ATXN2: variants seen among roughly 807,000 people sequenced by gnomAD.
ATXN2 encodes ataxin 2.
ATXN2 carries 37 observed loss-of-function variants against 138.6 expected under a neutral mutation model. The observed-to-expected ratio is 0.27, with a 90% CI of 0.21 to 0.35. The LOEUF is 0.35. Ranked by LOEUF, ATXN2 falls within the 10% of genes least tolerant of loss-of-function variation. The pLI is 1.00. For missense variants in ATXN2, 1,216 were observed against 1,480.3 expected (o/e 0.82, Z 2.93); for synonymous variants, 549 against 543.7 (o/e 1.01, Z -0.13).
chr12:111,470,036 AGAGT>A, intron 20 of ATXN2, 68 bp downstream of exon 20: 3 of 1,474,976 alleles, frequency 2.0e-6, no homozygotes, highest in Non-Finnish European at 2.8e-6. Flanking sequence ...ATTCTTAGAT[AGAGT>A]ATGTTTTCAG....
intron 14 of ATXN2, among the ~76,000 whole-genome samples, chr12:111,492,955 T>A (rs903968017): frequency 6.6e-6 from 1 of 151,896 alleles, no homozygotes; most frequent in African/African-American, 2.4e-5. Flanking sequence ...AAATTCAGAA[T>A]CCTATAAATT....
intron 5 of ATXN2, among the ~76,000 whole-genome samples, chr12:111,529,871 A>C (rs1880718383): frequency 6.6e-6 from 1 of 152,238 alleles, no homozygotes. Context: ...TATAAAAACT[A>C]TAAAATGACA....
chr12:111,543,722 A>C (rs1194061648), intron 5 of ATXN2, among the ~76,000 whole-genome samples: 1 of 152,174 alleles, frequency 6.6e-6, no homozygotes, highest in Non-Finnish European at 1.5e-5. Context: ...TCTAACTCTA[A>C]AAATGCTTAG....
At chr12:111,464,247 GGTGTGTGT>G (rs57717176) in intron 21 of ATXN2, among the ~76,000 whole-genome samples, 27 of 134,716 alleles carry the variant, frequency 2.0e-4, no homozygotes, top group African/African-American at 3.5e-4. Context: ...TGTGGCTTGG[GGTGTGTGT>G]GTGTGTGTGT....
chr12:111,552,927 A>T lies in ATXN2; in HGVS notation c.399T>A (p.Val133=). 1 of 1,559,150 alleles carries T rather than the reference A, an allele frequency of 6.4e-7. No homozygotes were observed. Among genetic ancestry groups the T allele is most frequent in the Non-Finnish European group, 8.6e-7 (1 of 1,158,926 alleles). Residue 133 remains valine, a synonymous_variant, in exon 4 of 25, where the codon GTT becomes GTA. Transcript: ENST00000673436. This position sits in a 1 kb window ranked among gnomAD's most constrained non-coding sequence, Gnocchi z 4.1. ...QVKNGGIYEG[V]FKTYSPKCDL... ...TTACCTTCGGACTGTAAGTTTTAAA[A>T]ACTCCTTCATATATACCTCCATTTT...
Position 111,453,960 on chromosome 12 carries a change from G to GA in ATXN2, c.3271-116_3271-115insT. 1.7e-5 allele frequency: 18 copies of GA among 1,034,054 alleles called. No homozygotes were observed. Among genetic ancestry groups the GA allele is most frequent in the East Asian group, 2.5e-5 (1 of 39,844 alleles). 64.1% of individuals were successfully genotyped at this position (1,034,054 alleles called of 1,614,324 possible). On this transcript the variant is annotated intron_variant, in intron 23 of 24. Coordinates refer to ENST00000673436, the MANE Select transcript of ATXN2 (RefSeq NM_001372574.1). This position sits in a 1 kb window ranked among gnomAD's most constrained non-coding sequence, Gnocchi z 5.4. Reference sequence around the variant, plus strand: ...CAGGAAAGGGCAACGGTGGGCCTCAGGGCCCAGTTCTGTTCTCTGGGGACA... The same window carrying GA: ...CAGGAAAGGGCAACGGTGGGCCTCAGAGGCCCAGTTCTGTTCTCTGGGGACA...
chr12:111,476,605 G>A (rs553863925), intron 18 of ATXN2, among the ~76,000 whole-genome samples: 9 of 152,186 alleles, frequency 5.9e-5, no homozygotes, highest in Admixed American at 1.3e-4. Context: ...CTCTATTTAC[G>A]AATAAACAAA....
intron 1 of ATXN2, among the ~76,000 whole-genome samples, chr12:111,595,379 C>T (rs1425500269): frequency 2.0e-5 from 3 of 152,212 alleles, no homozygotes; most frequent in Non-Finnish European, 4.4e-5. Context: ...CAGTGGCTCA[C>T]GCCTGCAATC....
At chr12:111,551,269 C>T (rs1882102760) in intron 5 of ATXN2, among the ~76,000 whole-genome samples, 1 of 150,898 alleles carries the variant, frequency 6.6e-6, no homozygotes, top group Admixed American at 6.6e-5. Flanking sequence ...TGCACTCCAC[C>T]CAGGGGACAG....
At chr12:111,558,347 G>A (rs1289941556) in intron 1 of ATXN2, among the ~76,000 whole-genome samples, 1 of 151,956 alleles carries the variant, frequency 6.6e-6, no homozygotes, top group Non-Finnish European at 1.5e-5. Flanking sequence ...ATACTGAACC[G>A]CAATAAACAA....
intron 21 of ATXN2, 47 bp from the exon 22 acceptor site, chr12:111,457,406 C>T: frequency 6.4e-7 from 1 of 1,554,094 alleles, no homozygotes; most frequent in Non-Finnish European, 8.7e-7. Flanking sequence ...TGTCTGACAA[C>T]CTCCATCGCT....
At chr12:111,577,920 G>T (rs965104388) in intron 1 of ATXN2, among the ~76,000 whole-genome samples, 1 of 152,130 alleles carries the variant, frequency 6.6e-6, no homozygotes, top group South Asian at 2.1e-4. Flanking sequence ...CTCTGGCCAG[G>T]TGCGGTGGCT....
Position 111,512,974 on chromosome 12 carries a change from C to T in ATXN2, c.1558+383G>A, listed in dbSNP as rs562989945. The T allele has an allele frequency of 1.2e-4, 20 of 173,578 alleles. 1 individual carries two copies. The highest frequency in any genetic ancestry group is 5.5e-4 in the East Asian group (3 of 5,424). The allele number at this position is 173,578 out of a possible 1,614,324, so 10.8% of individuals were successfully genotyped here. A position where few individuals can be genotyped will look rare whatever the true frequency, so the allele number is the denominator to read the frequency against. ...AAGCTGCTAAAAAGATAAGGAAATA[C>T]GGTCCCTCCAAATAGTGTTACATAC... On this transcript the variant is annotated intron_variant, in intron 11 of 24. Coordinates refer to ENST00000673436, the MANE Select transcript of ATXN2 (RefSeq NM_001372574.1).
intron 1 of ATXN2, among the ~76,000 whole-genome samples, chr12:111,556,660 A>T (rs1032545112): frequency 6.6e-6 from 1 of 151,808 alleles, no homozygotes; most frequent in African/African-American, 2.4e-5. Flanking sequence ...TACTAAGAAT[A>T]AAAAAATTAG....
At chr12:111,538,663 T>G (rs1881330768) in intron 5 of ATXN2, among the ~76,000 whole-genome samples, 1 of 150,364 alleles carries the variant, frequency 6.7e-6, no homozygotes, top group Non-Finnish European at 1.5e-5. Flanking sequence ...AGTAATTTTA[T>G]GTTTTTAAAG....
intron 5 of ATXN2, among the ~76,000 whole-genome samples, chr12:111,538,065 C>T (rs1293870749): frequency 6.6e-6 from 1 of 151,634 alleles, no homozygotes; most frequent in African/African-American, 2.4e-5. Context: ...CACTGCACTC[C>T]AGCCTGGACA....
rs1172561753 is a variant in ATXN2, at chr12:111,452,450, T to TA, written c.*361dup. On this transcript the variant is annotated 3_prime_UTR_variant, in exon 25 of 25. Coordinates refer to ENST00000673436, the MANE Select transcript of ATXN2 (RefSeq NM_001372574.1). ...CTTGATTTTTTTTTTTTTTTTTTTT[T>TA]AGCAGTAATAGCAGCAAGAATCACT... The TA allele has an allele frequency of 1.3e-5, 2 of 152,942 alleles. No individual in the cohort carries two copies. Among genetic ancestry groups the TA allele is most frequent in the South Asian group, 2.2e-4 (1 of 4,508 alleles). The allele number at this position is 152,942 out of a possible 1,614,324, so 9.5% of individuals were successfully genotyped here.
intron 1 of ATXN2, among the ~76,000 whole-genome samples, chr12:111,578,724 G>C (rs1883821183): frequency 6.6e-6 from 1 of 152,166 alleles, no homozygotes; most frequent in East Asian, 1.9e-4. Context: ...CAATATCACT[G>C]GGCATTAGGG....
At chr12:111,456,421 T>A (rs1426421620) in intron 22 of ATXN2, among the ~76,000 whole-genome samples, 165 bp from the exon 23 acceptor site, 1 of 120,784 alleles carries the variant, frequency 8.3e-6, no homozygotes, top group East Asian at 1.1e-3. Context: ...GTGCCTCCCA[T>A]CTGGACAACT....
Sources: allele counts gnomAD v4.1 joint callset (sites outside exome capture counted in the v4.1 genomes callset), GRCh38; gene constraint gnomAD v4.1.1; non-coding constraint Gnocchi (gnomAD v3.1); transcripts MANE v1.5; gene names NCBI Gene and HGNC (gene_info 2026-07-23, HGNC 2026-07-21).